The following RBFOX1 variants were observed in gnomAD, a reference collection of about 807,000 sequenced individuals.
RBFOX1 encodes RNA binding protein fox-1 homolog 1.
In RBFOX1, 8 loss-of-function variants were observed where a neutral mutation model predicts 57.7. The observed-to-expected ratio is 0.14, with a 90% CI of 0.08 to 0.25. The LOEUF (loss-of-function observed/expected upper bound fraction) is 0.25. Ranked by LOEUF, RBFOX1 falls within the 10% of genes least tolerant of loss-of-function variation. The pLI is 1.00. For synonymous variants in RBFOX1, 326 were observed against 222.4 expected, an observed-to-expected ratio of 1.47 and a Z score of -4.15; for missense variants, 611 against 548.5, an observed-to-expected ratio of 1.11 and a Z score of -1.14.
intron 3 of RBFOX1, among the ~76,000 whole-genome samples, chr16:6,820,702 G>A (rs1013114003): frequency 2.0e-5 from 3 of 151,822 alleles, no homozygotes; most frequent in African/African-American, 7.3e-5. Context: ...ACCGAAAACT[G>A]CAGTGCATTC....
intron 3 of RBFOX1, among the ~76,000 whole-genome samples, chr16:6,851,150 G>T (rs999336959): frequency 1.6e-4 from 25 of 152,180 alleles, no homozygotes; most frequent in African/African-American, 6.0e-4. Flanking sequence ...AAATCATTTT[G>T]TCCAGTCTCA....
intron 3 of RBFOX1, among the ~76,000 whole-genome samples, chr16:5,786,579 C>G (rs943462639): frequency 5.3e-5 from 8 of 152,062 alleles, no homozygotes; most frequent in Non-Finnish European, 7.4e-5. Flanking sequence ...TGTGGATGAT[C>G]TCTTCATTTT....
At chr16:7,273,657 G>A (rs1414526827) in intron 4 of RBFOX1, among the ~76,000 whole-genome samples, 2 of 152,132 alleles carry the variant, frequency 1.3e-5, no homozygotes, top group African/African-American at 4.8e-5. Flanking sequence ...ACTGCCTTTC[G>A]AATTGGGAAG....
chr16:6,869,889 G>T (rs967675775), intron 3 of RBFOX1, among the ~76,000 whole-genome samples: 2 of 152,048 alleles, frequency 1.3e-5, no homozygotes, highest in South Asian at 2.1e-4. Flanking sequence ...ATGTCTCCCC[G>T]CAGTAAAAGC....
chr16:7,251,622 G>T (rs1454337701), intron 4 of RBFOX1, among the ~76,000 whole-genome samples: 2 of 152,068 alleles, frequency 1.3e-5, no homozygotes, highest in Non-Finnish European at 2.9e-5. Flanking sequence ...GTTTCACCAT[G>T]TTGGCTTGCC....
intron 4 of RBFOX1, among the ~76,000 whole-genome samples, chr16:7,489,826 A>T (rs545852430): frequency 1.3e-5 from 2 of 152,018 alleles, no homozygotes; most frequent in South Asian, 4.1e-4. Context: ...CAGCTAAGTT[A>T]TGCATATTAT....
chr16:6,114,597 A>G (rs2152595504), intron 1 of RBFOX1, among the ~76,000 whole-genome samples: 1 of 152,234 alleles, frequency 6.6e-6, no homozygotes, highest in South Asian at 2.1e-4. Context: ...GACTACTAAC[A>G]CTGCCTTTAG....
At chr16:7,148,127 A>C (rs2075391349) in intron 4 of RBFOX1, among the ~76,000 whole-genome samples, 1 of 152,220 alleles carries the variant, frequency 6.6e-6, no homozygotes. Context: ...CAATTGACTT[A>C]GGAAAACAAA....
chr16:6,706,545 G>A (rs963985557), intron 3 of RBFOX1, among the ~76,000 whole-genome samples: 3 of 152,246 alleles, frequency 2.0e-5, no homozygotes, highest in Non-Finnish European at 4.4e-5. Context: ...TGTGCATGGG[G>A]ACAAAACAGA....
chr16:6,011,982 C>T (rs1030569342), intron 4 of RBFOX1, among the ~76,000 whole-genome samples: 2 of 152,212 alleles, frequency 1.3e-5, no homozygotes, highest in East Asian at 3.8e-4. Flanking sequence ...CATTTCTTCA[C>T]GATGACCCTG....
At chr16:6,091,801 A>C (rs2096178812) in intron 1 of RBFOX1, among the ~76,000 whole-genome samples, 1 of 152,192 alleles carries the variant, frequency 6.6e-6, no homozygotes, top group African/African-American at 2.4e-5. Context: ...ACTGCACTCC[A>C]CCCTGTATGA....
At chr16:7,106,614 G>A (rs1567280552) in intron 4 of RBFOX1, among the ~76,000 whole-genome samples, 2 of 151,872 alleles carry the variant, frequency 1.3e-5, no homozygotes, top group Admixed American at 1.3e-4. Context: ...TCAAGGTCCT[G>A]GCATAATAAT....
intron 2 of RBFOX1, among the ~76,000 whole-genome samples, chr16:6,494,280 G>A (rs1189807650): frequency 2.6e-5 from 4 of 152,176 alleles, no homozygotes; most frequent in South Asian, 2.1e-4. Context: ...CAACTTCATC[G>A]TGTGTAGGTT....
intron 2 of RBFOX1, among the ~76,000 whole-genome samples, chr16:6,432,421 C>T (rs1009585942): frequency 6.6e-6 from 1 of 151,520 alleles, no homozygotes; most frequent in Non-Finnish European, 1.5e-5. Flanking sequence ...CCTGTAATAC[C>T]AGCACTTTGG....
intron 2 of RBFOX1, among the ~76,000 whole-genome samples, chr16:6,393,768 T>C (rs906945832): frequency 1.3e-5 from 2 of 152,192 alleles, no homozygotes; most frequent in African/African-American, 2.4e-5. Flanking sequence ...CATCATGTTA[T>C]GTTAGAGGTC....
At chr16:7,367,772 A>G (rs900647687) in intron 4 of RBFOX1, among the ~76,000 whole-genome samples, 1 of 151,894 alleles carries the variant, frequency 6.6e-6, no homozygotes, top group African/African-American at 2.4e-5. Context: ...GCGTTGTCAG[A>G]TTTTCTGATA....
At chr16:7,568,881 T>TAAAAA (rs1376970317) in intron 5 of RBFOX1, among the ~76,000 whole-genome samples, 2 of 30,638 alleles carry the variant, frequency 6.5e-5, no homozygotes, top group African/African-American at 1.6e-4. Context: ...AGACTCTGTC[T>TAAAAA]CAAAAAAAAA....
intron 3 of RBFOX1, among the ~76,000 whole-genome samples, chr16:6,855,008 C>T (rs1324125241): frequency 6.6e-6 from 1 of 151,492 alleles, no homozygotes; most frequent in Non-Finnish European, 1.5e-5. Flanking sequence ...GGAGTCAGTG[C>T]CACCTAAGGA....
chr16:7,281,572 TG>T (rs1301031209), intron 4 of RBFOX1, among the ~76,000 whole-genome samples: 2 of 152,126 alleles, frequency 1.3e-5, no homozygotes, highest in Non-Finnish European at 2.9e-5. Flanking sequence ...TAGCATTGTC[TG>T]GGCACAATAT....
Sources: gnomAD v4.1 joint callset for allele counts (sites outside exome capture counted in the v4.1 genomes callset) on GRCh38, gnomAD v4.1.1 for gene constraint, MANE v1.5 for transcripts, NCBI Gene and HGNC (gene_info 2026-07-23, HGNC 2026-07-21) for gene names.